GLIS3: variants seen among roughly 807,000 people sequenced by gnomAD.
GLIS3 encodes zinc finger protein GLIS3.
In GLIS3, 53 loss-of-function variants were observed where a neutral mutation model predicts 78.6. The ratio of observed to expected loss-of-function variants is 0.67; its 90% CI spans 0.54 to 0.85. The LOEUF (loss-of-function observed/expected upper bound fraction) is 0.85, where lower values mean the gene tolerates loss of function less well. GLIS3 is among the 40% of genes least tolerant of loss of function. The pLI is 0.00. For synonymous variants in GLIS3, 684 were observed against 509.9 expected, an observed-to-expected ratio of 1.34 and a Z score of -4.60; for missense variants, 1,703 against 1,231.1, an observed-to-expected ratio of 1.38 and a Z score of -5.74.
At chr9:4,420,301 G>A in the GLIS3 span, among the ~76,000 whole-genome samples, 1 of 152,110 alleles carries the variant, frequency 6.6e-6, no homozygotes, top group Non-Finnish European at 1.5e-5. Flanking sequence ...TTTAAAAAGA[G>A]GGGACATCAT....
At chr9:4,168,806 AAAC>A (rs1816110107) in intron 2 of GLIS3, among the ~76,000 whole-genome samples, 1 of 152,214 alleles carries the variant, frequency 6.6e-6, no homozygotes, top group African/African-American at 2.4e-5. Flanking sequence ...ATGGTAAATT[AAAC>A]AACAGACTCC....
At chr9:3,882,590 A>T (rs1821806152) in intron 7 of GLIS3, among the ~76,000 whole-genome samples, 1 of 152,230 alleles carries the variant, frequency 6.6e-6, no homozygotes, top group Non-Finnish European at 1.5e-5. Context: ...TATGCCCTCC[A>T]GCTGTGCTGG....
chr9:4,480,661 C>T, the GLIS3 span, among the ~76,000 whole-genome samples: 1 of 151,988 alleles, frequency 6.6e-6, no homozygotes, highest in Non-Finnish European at 1.5e-5. Flanking sequence ...CATACGAACG[C>T]CTTGGCCTAC....
intron 4 of GLIS3, among the ~76,000 whole-genome samples, chr9:4,040,219 G>T (rs376048666): frequency 6.6e-6 from 1 of 151,148 alleles, no homozygotes; most frequent in East Asian, 1.9e-4. Context: ...GGTCTTCAAA[G>T]GGTTTTGCAA....
At chr9:4,178,016 G>A (rs2380941) in intron 2 of GLIS3, among the ~76,000 whole-genome samples, 32,787 of 152,056 alleles carry the variant, frequency 0.22, 3,840 homozygotes, top group African/African-American at 0.3. Flanking sequence ...CTACCTTTGG[G>A]GAAATACAGT....
At chr9:4,308,307 C>T (rs1422905710) in intron 4 of GLIS3, among the ~76,000 whole-genome samples, 2 of 151,712 alleles carry the variant, frequency 1.3e-5, no homozygotes, top group African/African-American at 2.4e-5. Flanking sequence ...CAGGGGGATG[C>T]AGGGAGGAGG....
At chr9:4,377,079 G>C in the GLIS3 span, among the ~76,000 whole-genome samples, 16 of 135,124 alleles carry the variant, frequency 1.2e-4, 2 homozygotes, top group African/African-American at 4.1e-4. Flanking sequence ...GTTTGTGACG[G>C]TTAATATTAG....
At chr9:4,102,946 G>A (rs1830482918) in intron 4 of GLIS3, among the ~76,000 whole-genome samples, 1 of 151,800 alleles carries the variant, frequency 6.6e-6, no homozygotes, top group Admixed American at 6.6e-5. Context: ...AAAGACAGGA[G>A]GCAATAGAAA....
chr9:4,248,481 G>C (rs892255197), intron 2 of GLIS3, among the ~76,000 whole-genome samples: 1 of 152,018 alleles, frequency 6.6e-6, no homozygotes, highest in East Asian at 1.9e-4. Context: ...TCTTTATTCA[G>C]TCTATCATTG....
the GLIS3 span, among the ~76,000 whole-genome samples, chr9:4,373,561 C>T: frequency 1.3e-5 from 2 of 152,098 alleles, no homozygotes; most frequent in Non-Finnish European, 2.9e-5. Context: ...TATTTAAATA[C>T]GATGCAAACT....
At chr9:4,359,719 A>G in the GLIS3 span, among the ~76,000 whole-genome samples, 17 of 152,298 alleles carry the variant, frequency 1.1e-4, 1 homozygote, top group South Asian at 3.3e-3. Context: ...GAGTACAATA[A>G]ACAGACATTG....
the GLIS3 span, among the ~76,000 whole-genome samples, chr9:4,436,075 G>A: frequency 5.3e-5 from 8 of 152,182 alleles, no homozygotes; most frequent in South Asian, 1.7e-3. Context: ...CTCATTTGTG[G>A]CTCACAGCAC....
At chr9:4,062,686 G>A (rs760033492) in intron 4 of GLIS3, among the ~76,000 whole-genome samples, 4 of 152,188 alleles carry the variant, frequency 2.6e-5, no homozygotes, top group Non-Finnish European at 5.9e-5. Context: ...CCAGCACTTC[G>A]GGAGGCCGAG....
the GLIS3 span, among the ~76,000 whole-genome samples, chr9:4,465,227 A>G: frequency 2.0e-5 from 3 of 152,232 alleles, no homozygotes; most frequent in Non-Finnish European, 4.4e-5. Context: ...AAATTTACAT[A>G]TAACATTGCA....
chr9:4,103,894 A>G (rs1354048857), intron 4 of GLIS3, among the ~76,000 whole-genome samples: 6 of 152,100 alleles, frequency 3.9e-5, no homozygotes, highest in African/African-American at 9.7e-5. Flanking sequence ...GCCCCTTGCA[A>G]TTCTCCTTGA....
At chr9:4,121,663 C>A (rs946244291) in intron 3 of GLIS3, among the ~76,000 whole-genome samples, 4 of 127,088 alleles carry the variant, frequency 3.1e-5, no homozygotes, top group Non-Finnish European at 3.5e-5. Context: ...ACACACACAC[C>A]CCAAAGTTCT....
At chr9:4,084,229 ATC>A (rs1229685934) in intron 4 of GLIS3, among the ~76,000 whole-genome samples, 1 of 139,660 alleles carries the variant, frequency 7.2e-6, no homozygotes, top group Admixed American at 7.4e-5. Context: ...GCAATGTGTA[ATC>A]TCTCTCTCCT....
the GLIS3 span, among the ~76,000 whole-genome samples, chr9:4,487,488 A>G: frequency 6.6e-5 from 10 of 152,296 alleles, no homozygotes; most frequent in African/African-American, 2.4e-4. Flanking sequence ...CACCAAGCTG[A>G]TAAGTGGTGG....
chr9:4,132,850 G>A (rs1564097049), intron 2 of GLIS3, among the ~76,000 whole-genome samples: 2 of 152,202 alleles, frequency 1.3e-5, no homozygotes, highest in African/African-American at 4.8e-5. Flanking sequence ...TAGGGTTTGA[G>A]TCTTGCCTCC....
Sources: allele counts gnomAD v4.1 joint callset (sites outside exome capture counted in the v4.1 genomes callset), GRCh38; gene constraint gnomAD v4.1.1; transcripts MANE v1.5; gene names NCBI Gene and HGNC (gene_info 2026-07-23, HGNC 2026-07-21).